AUTS2: variants seen among roughly 807,000 people sequenced by gnomAD.
AUTS2 encodes activator of transcription and developmental regulator AUTS2, also known as autism susceptibility gene 2 protein.
Under a neutral mutation model 112.4 loss-of-function variants are expected in AUTS2, and 17 were observed. That is an observed-to-expected ratio of 0.15 (90% CI 0.10 to 0.23). The LOEUF (loss-of-function observed/expected upper bound fraction) is 0.23. AUTS2 is among the 10% of genes least tolerant of loss of function. The pLI is 1.00. For missense variants in AUTS2, 1,510 were observed against 1,701.6 expected (o/e 0.89, Z 1.98); for synonymous variants, 751 against 702.7 (o/e 1.07, Z -1.09).
chr7:69,782,353 A>ATC (rs1178602853), intron 1 of AUTS2, among the ~76,000 whole-genome samples: 1 of 147,552 alleles, frequency 6.8e-6, no homozygotes, highest in Non-Finnish European at 1.5e-5. Flanking sequence ...GTGAGACCCC[A>ATC]TCTCTCTCTC....
At chr7:70,726,999 A>G (rs1426684961) in intron 6 of AUTS2, among the ~76,000 whole-genome samples, 1 of 152,176 alleles carries the variant, frequency 6.6e-6, no homozygotes, top group Non-Finnish European at 1.5e-5. Context: ...TTGTGTTTTC[A>G]CTTCTCCGTG....
Position 70,766,109 on chromosome 7 carries a change from T to G in AUTS2, c.1469-5T>G. 1.9e-6 allele frequency: 3 copies of G among 1,611,410 alleles called. No homozygotes were observed. In the South Asian group the frequency reaches 3.3e-5, roughly 18 times the overall value. On this transcript the variant is annotated splice_polypyrimidine_tract_variant and splice_region_variant and intron_variant, in intron 8 of 18. Transcript: ENST00000342771. The surrounding 1 kb of genome is among the most constrained non-coding windows in gnomAD (Gnocchi z 4.8). ...CGTCATCGTCTCCCTCTTCTTCTCT[T>G]CCAGAGCAAGACATCTTGCGACAGG...
At chr7:70,478,502 C>A (rs553340402) in intron 5 of AUTS2, among the ~76,000 whole-genome samples, 3 of 152,278 alleles carry the variant, frequency 2.0e-5, no homozygotes, top group African/African-American at 7.2e-5. Context: ...GGAGGCTCTT[C>A]AAAAAACTAC....
intron 5 of AUTS2, among the ~76,000 whole-genome samples, chr7:70,588,191 T>C (rs1802771769): frequency 6.6e-6 from 1 of 152,196 alleles, no homozygotes; most frequent in Non-Finnish European, 1.5e-5. Flanking sequence ...AATCTCTCTT[T>C]AGGATCTCTG....
At chr7:70,508,919 G>C (rs1563003695) in intron 5 of AUTS2, among the ~76,000 whole-genome samples, 1 of 152,208 alleles carries the variant, frequency 6.6e-6, no homozygotes, top group Non-Finnish European at 1.5e-5. Context: ...CAGAACTGAA[G>C]CCTTTTTCTA....
At chr7:70,162,229 G>A (rs1326992844) in intron 4 of AUTS2, among the ~76,000 whole-genome samples, 1 of 151,424 alleles carries the variant, frequency 6.6e-6, no homozygotes, top group South Asian at 2.1e-4. Flanking sequence ...GGCGGATCAC[G>A]AGGTCAGGAG....
At chr7:69,868,020 G>C (rs372955637) in intron 1 of AUTS2, among the ~76,000 whole-genome samples, 1 of 151,552 alleles carries the variant, frequency 6.6e-6, no homozygotes, top group Non-Finnish European at 1.5e-5. Context: ...CCCTACATAG[G>C]CATATATTTG....
At chr7:69,774,233 C>A (rs1049586546) in intron 1 of AUTS2, among the ~76,000 whole-genome samples, 34 of 152,038 alleles carry the variant, frequency 2.2e-4, no homozygotes, top group African/African-American at 8.2e-4. Flanking sequence ...GCAACGTAGA[C>A]CTCCGTCTCT....
At chr7:69,821,689 C>G (rs1791002356) in intron 1 of AUTS2, among the ~76,000 whole-genome samples, 1 of 152,020 alleles carries the variant, frequency 6.6e-6, no homozygotes, top group African/African-American at 2.4e-5. Flanking sequence ...CAAACAACTC[C>G]AGACGTGCCA....
chr7:70,275,612 A>G (rs779969847), intron 4 of AUTS2, among the ~76,000 whole-genome samples: 2 of 152,138 alleles, frequency 1.3e-5, no homozygotes, highest in Non-Finnish European at 2.9e-5. Flanking sequence ...GTCCCCACCC[A>G]AGTCTTATCT....
intron 4 of AUTS2, among the ~76,000 whole-genome samples, chr7:70,166,690 A>C (rs1808400007): frequency 6.6e-6 from 1 of 152,194 alleles, no homozygotes; most frequent in African/African-American, 2.4e-5. Context: ...AAGAAGGCAA[A>C]AAAATTAAGA....
intron 2 of AUTS2, among the ~76,000 whole-genome samples, chr7:70,109,994 T>G (rs547950880): frequency 6.6e-6 from 1 of 152,214 alleles, no homozygotes; most frequent in Non-Finnish European, 1.5e-5. Flanking sequence ...TTCACATTAT[T>G]AAATTATGAA....
chr7:69,708,231 A>G (rs896425894), intron 1 of AUTS2, among the ~76,000 whole-genome samples: 10 of 152,226 alleles, frequency 6.6e-5, no homozygotes, highest in African/African-American at 2.4e-4. Flanking sequence ...CACACAGGAA[A>G]AATATTCTAG....
At chr7:70,558,505 G>A (rs1300637971) in intron 5 of AUTS2, among the ~76,000 whole-genome samples, 1 of 152,120 alleles carries the variant, frequency 6.6e-6, no homozygotes, top group Non-Finnish European at 1.5e-5. Flanking sequence ...TCCCCATGAA[G>A]GTGGCCTGTT....
intron 1 of AUTS2, among the ~76,000 whole-genome samples, chr7:69,605,938 A>G (rs898531415): frequency 3.9e-5 from 6 of 152,224 alleles, no homozygotes; most frequent in Non-Finnish European, 7.3e-5. Flanking sequence ...ATTTTACTTT[A>G]TAAGGCAGAG....
intron 1 of AUTS2, among the ~76,000 whole-genome samples, chr7:69,693,383 GT>G (rs775801525): frequency 6.6e-6 from 1 of 152,182 alleles, no homozygotes; most frequent in Non-Finnish European, 1.5e-5. Flanking sequence ...GCCATGACAA[GT>G]TTTTTTGTAT....
intron 11 of AUTS2, among the ~76,000 whole-genome samples, chr7:70,773,171 T>TC (rs951983482): frequency 9.2e-5 from 14 of 151,858 alleles, no homozygotes; most frequent in Admixed American, 2.6e-4. Context: ...TTCATTCTTT[T>TC]CCCCCCCTTC....
chr7:70,615,215 ATGGGG>A (rs1006693969), intron 5 of AUTS2, among the ~76,000 whole-genome samples: 1 of 151,902 alleles, frequency 6.6e-6, no homozygotes, highest in Admixed American at 6.6e-5. Flanking sequence ...GCCTTGGGTG[ATGGGG>A]TGGAAGAGTG....
chr7:70,148,560 A>G (rs2129575985), intron 4 of AUTS2, among the ~76,000 whole-genome samples: 1 of 152,062 alleles, frequency 6.6e-6, no homozygotes, highest in Non-Finnish European at 1.5e-5. Flanking sequence ...TTAAGCAATG[A>G]CATCAGAAAC....
Sources: gnomAD v4.1 joint callset for allele counts (sites outside exome capture counted in the v4.1 genomes callset) on GRCh38, gnomAD v4.1.1 for gene constraint, Gnocchi (gnomAD v3.1) non-coding constraint, MANE v1.5 for transcripts, NCBI Gene and HGNC (gene_info 2026-07-23, HGNC 2026-07-21) for gene names.